Variants in PRKG1 observed in about 807,000 individuals in gnomAD.
PRKG1 encodes the protein cGMP-dependent protein kinase 1.
A neutral mutation model predicts 88.1 loss-of-function variants in PRKG1; 35 were observed. The ratio of observed to expected loss-of-function variants is 0.40; its 90% CI spans 0.30 to 0.53. PRKG1 has a LOEUF of 0.53. PRKG1 is among the 20% of genes least tolerant of loss of function. The pLI is 0.59. For synonymous variants in PRKG1, 303 were observed against 292.5 expected, an observed-to-expected ratio of 1.04 and a Z score of -0.37; for missense variants, 540 against 839.8, an observed-to-expected ratio of 0.64 and a Z score of 4.41.
chr10:51,841,763 A>C (rs1840282103), intron 4 of PRKG1, among the ~76,000 whole-genome samples: 1 of 152,014 alleles, frequency 6.6e-6, no homozygotes, highest in South Asian at 2.1e-4. Context: ...GCTCCCTGCC[A>C]CCTCTGCCTC....
At chr10:51,142,031 A>G (rs1459754912) in intron 1 of PRKG1, among the ~76,000 whole-genome samples, 1 of 152,110 alleles carries the variant, frequency 6.6e-6, no homozygotes, top group East Asian at 1.9e-4. Context: ...CTCCATCCAA[A>G]TTGATAACAA....
intron 2 of PRKG1, among the ~76,000 whole-genome samples, chr10:51,306,403 T>C (rs1564439393): frequency 6.6e-6 from 1 of 152,172 alleles, no homozygotes; most frequent in Non-Finnish European, 1.5e-5. Context: ...CAACTTTCCA[T>C]ATAAAGCCAG....
At chr10:52,111,120 T>TA (rs1297767332) in intron 7 of PRKG1, among the ~76,000 whole-genome samples, 1 of 152,126 alleles carries the variant, frequency 6.6e-6, no homozygotes, top group Admixed American at 6.5e-5. Flanking sequence ...TTATCTTACT[T>TA]AAAAAAAGGA....
intron 1 of PRKG1, among the ~76,000 whole-genome samples, chr10:51,144,011 C>T (rs1230764569): frequency 2.6e-5 from 4 of 151,756 alleles, no homozygotes; most frequent in Non-Finnish European, 5.9e-5. Context: ...TTGCTGCCTG[C>T]GATTTTGAGG....
At chr10:51,621,952 T>C (rs1451853129) in intron 3 of PRKG1, among the ~76,000 whole-genome samples, 5 of 152,228 alleles carry the variant, frequency 3.3e-5, no homozygotes, top group African/African-American at 1.2e-4. Flanking sequence ...AAATCAAAGA[T>C]GATTGAAATG....
intron 2 of PRKG1, among the ~76,000 whole-genome samples, chr10:51,194,054 C>G (rs927358001): frequency 6.6e-6 from 1 of 152,102 alleles, no homozygotes; most frequent in South Asian, 2.1e-4. Flanking sequence ...AATTCAAATT[C>G]ATTAATTTCA....
At chr10:52,183,082 C>T (rs1050911254) in intron 9 of PRKG1, among the ~76,000 whole-genome samples, 1 of 152,180 alleles carries the variant, frequency 6.6e-6, no homozygotes, top group African/African-American at 2.4e-5. Context: ...AGACCTAACT[C>T]ATTACCATGA....
chr10:51,843,558 T>G (rs1332096862), intron 4 of PRKG1, among the ~76,000 whole-genome samples: 1 of 152,214 alleles, frequency 6.6e-6, no homozygotes, highest in Non-Finnish European at 1.5e-5. Flanking sequence ...AGCAACCACG[T>G]TCTTCGTTTA....
At chr10:51,606,140 A>G (rs1352642325) in intron 3 of PRKG1, among the ~76,000 whole-genome samples, 1 of 152,218 alleles carries the variant, frequency 6.6e-6, no homozygotes, top group Non-Finnish European at 1.5e-5. Flanking sequence ...AATTTTCAAT[A>G]AATGGTAGGT....
intron 4 of PRKG1, among the ~76,000 whole-genome samples, chr10:51,825,931 G>A (rs1326703724): frequency 1.3e-5 from 2 of 152,074 alleles, no homozygotes; most frequent in Non-Finnish European, 2.9e-5. Context: ...GATGCTGTGG[G>A]GAAGTAAAGA....
intron 2 of PRKG1, among the ~76,000 whole-genome samples, chr10:51,304,266 A>T (rs1840974308): frequency 6.6e-6 from 1 of 152,080 alleles, no homozygotes; most frequent in Admixed American, 6.6e-5. Context: ...ATGCGTAGAG[A>T]TACCTTGATA....
At chr10:51,033,098 T>G (rs1259716775) in intron 1 of PRKG1, among the ~76,000 whole-genome samples, 1 of 152,150 alleles carries the variant, frequency 6.6e-6, no homozygotes, top group Non-Finnish European at 1.5e-5. Flanking sequence ...AGAATGCTCA[T>G]CCTTCTCAAA....
intron 3 of PRKG1, among the ~76,000 whole-genome samples, chr10:51,694,344 G>A (rs1401065993): frequency 6.6e-6 from 1 of 152,196 alleles, no homozygotes; most frequent in African/African-American, 2.4e-5. Flanking sequence ...TCTGCAAGCC[G>A]TGATTACGTT....
intron 4 of PRKG1, among the ~76,000 whole-genome samples, chr10:51,873,528 CTT>C (rs10713819): frequency 4.7e-4 from 62 of 131,574 alleles, no homozygotes; most frequent in African/African-American, 9.3e-4. Context: ...AATAAATAAT[CTT>C]TTTTTTTTTT....
chr10:51,955,867 T>G (rs1843290852), intron 5 of PRKG1, among the ~76,000 whole-genome samples: 1 of 152,150 alleles, frequency 6.6e-6, no homozygotes, highest in African/African-American at 2.4e-5. Context: ...ATGCCTTCCT[T>G]TTGTGCAGGA....
chr10:52,280,538 ACTATT>A (rs1841981598), intron 12 of PRKG1, among the ~76,000 whole-genome samples: 1 of 152,124 alleles, frequency 6.6e-6, no homozygotes, highest in South Asian at 2.1e-4. Flanking sequence ...GTTGTGTTGA[ACTATT>A]CTTTCAGCCC....
At chr10:51,299,738 C>T in intron 2 of PRKG1, 2 of 392,350 alleles carry the variant, frequency 5.1e-6, no homozygotes, top group South Asian at 1.8e-5. Context: ...CCTGGCCTCT[C>T]AATGACATTA....
chr10:51,038,425 T>C (rs1038762559), intron 1 of PRKG1, among the ~76,000 whole-genome samples: 1 of 152,230 alleles, frequency 6.6e-6, no homozygotes, highest in African/African-American at 2.4e-5. Context: ...TCTTATTCAT[T>C]GTATCTAACT....
chr10:51,340,019 T>C (rs1256147857), intron 2 of PRKG1, among the ~76,000 whole-genome samples: 1 of 152,084 alleles, frequency 6.6e-6, no homozygotes, highest in Non-Finnish European at 1.5e-5. Context: ...ATGAACTGCT[T>C]TATTTACTTT....
Sources: gnomAD v4.1 joint callset for allele counts (sites outside exome capture counted in the v4.1 genomes callset) on GRCh38, gnomAD v4.1.1 for gene constraint, MANE v1.5 for transcripts, NCBI Gene and HGNC (gene_info 2026-07-23, HGNC 2026-07-21) for gene names.